Variants in PAM observed in about 807,000 individuals in gnomAD.
The protein encoded by PAM is peptidyl-glycine alpha-amidating monooxygenase.
Under a neutral mutation model 122.1 loss-of-function variants are expected in PAM, and 72 were observed. The ratio of observed to expected loss-of-function variants is 0.59; its 90% CI spans 0.49 to 0.72. The LOEUF is 0.72. Among genes scored for constraint, PAM ranks in the 30% least tolerant of loss-of-function variants. The pLI is 0.00. For missense variants in PAM, 1,106 were observed against 1,183.7 expected, an observed-to-expected ratio of 0.93 and a Z score of 0.96; for synonymous variants, 389 against 404.4, an observed-to-expected ratio of 0.96 and a Z score of 0.46.
intron 20 of PAM, among the ~76,000 whole-genome samples, 187 bp from the exon 21 acceptor site, chr5:103,009,564 T>C (rs991225050): frequency 6.6e-6 from 1 of 152,184 alleles, no homozygotes; most frequent in Non-Finnish European, 1.5e-5. Flanking sequence ...AGGTTAGTCC[T>C]CTAACCAGTT....
At chr5:102,876,573 C>A (rs762630672) in intron 3 of PAM, among the ~76,000 whole-genome samples, 4 of 152,164 alleles carry the variant, frequency 2.6e-5, no homozygotes, top group Non-Finnish European at 5.9e-5. Context: ...AAGCTGGACA[C>A]TCCTAAAGTG....
chr5:102,764,778 G>A (rs188267136), intron 1 of PAM, among the ~76,000 whole-genome samples: 9 of 152,270 alleles, frequency 5.9e-5, no homozygotes, highest in East Asian at 5.8e-4. Context: ...ACAGCAAACC[G>A]TGCTCAAAAA....
chr5:102,796,043 C>G (rs141247703), intron 1 of PAM, among the ~76,000 whole-genome samples: 1 of 152,044 alleles, frequency 6.6e-6, no homozygotes, highest in Non-Finnish European at 1.5e-5. Flanking sequence ...GAATATGCAC[C>G]AGCCTCAGCA....
intron 1 of PAM, among the ~76,000 whole-genome samples, chr5:102,786,370 A>T (rs1480761150): frequency 6.6e-6 from 1 of 152,222 alleles, no homozygotes; most frequent in Non-Finnish European, 1.5e-5. Flanking sequence ...TAAAACCTGT[A>T]AAAGTACTTT....
intron 5 of PAM, among the ~76,000 whole-genome samples, chr5:102,918,028 G>T (rs528999376): frequency 6.6e-6 from 1 of 152,232 alleles, no homozygotes; most frequent in East Asian, 1.9e-4. Flanking sequence ...TGCATACGTT[G>T]ATTTGAACCT....
intron 7 of PAM, among the ~76,000 whole-genome samples, chr5:102,931,746 T>C (rs1048850975): frequency 6.6e-6 from 1 of 152,162 alleles, no homozygotes. Context: ...ATCCACTTAC[T>C]GTCATTAAGC....
intron 1 of PAM, among the ~76,000 whole-genome samples, chr5:102,816,774 ACT>A (rs1274848204): frequency 6.6e-6 from 1 of 151,512 alleles, no homozygotes; most frequent in African/African-American, 2.4e-5. Context: ...CTCTATTAAA[ACT>A]CACTCTCTTC....
At chr5:102,987,778 G>C (rs564388640) in intron 15 of PAM, among the ~76,000 whole-genome samples, 2 of 152,240 alleles carry the variant, frequency 1.3e-5, no homozygotes, top group African/African-American at 4.8e-5. Context: ...CATCTGAGCA[G>C]CTCCATTCAC....
chr5:102,933,340 A>G (rs1752208138), intron 7 of PAM, among the ~76,000 whole-genome samples: 1 of 152,146 alleles, frequency 6.6e-6, no homozygotes, highest in African/African-American at 2.4e-5. Flanking sequence ...TTTTTAAATA[A>G]AAACATGATC....
At chr5:102,941,833 CA>C (rs70990420) in intron 7 of PAM, among the ~76,000 whole-genome samples, 2,359 of 58,216 alleles carry the variant, frequency 0.041, 21 homozygotes, top group African/African-American at 0.14. Flanking sequence ...CCAGATGGTA[CA>C]AAAAAAAAAA....
intron 20 of PAM, 135 bp from the exon 21 acceptor site, chr5:103,009,616 T>C: frequency 3.5e-6 from 2 of 576,622 alleles, no homozygotes; most frequent in South Asian, 3.7e-5. Context: ...CTAAGTATTT[T>C]ATATTCTACT....
intron 24 of PAM, among the ~76,000 whole-genome samples, chr5:103,025,990 C>T (rs1784839729): frequency 9.2e-5 from 14 of 152,026 alleles, no homozygotes; most frequent in South Asian, 8.3e-4. Context: ...TGTCTTAAAC[C>T]TTAGTTTTCA....
intron 1 of PAM, among the ~76,000 whole-genome samples, chr5:102,844,863 G>A (rs967861369): frequency 6.6e-6 from 1 of 152,120 alleles, no homozygotes; most frequent in Non-Finnish European, 1.5e-5. Context: ...ACCTTCCTCG[G>A]AATGCCCTTC....
At position 102,922,112 on chromosome 5, in the gene PAM, A is replaced by G. The variant is rs946742051; in HGVS notation, c.357-2845A>G. Among the ~76,000 whole-genome samples the G allele has an allele frequency of 2.0e-5, 3 of 152,108 alleles. No individual in the cohort carries two copies. In the East Asian group the frequency reaches 5.8e-4, roughly 29 times the overall value. On this transcript the variant is annotated intron_variant, in intron 5 of 25. Coordinates refer to ENST00000438793, the MANE Select transcript of PAM (RefSeq NM_001177306.2). ...AATTCAGCTCTTTAAGTCTCTGTAC[A>G]TGGAAAGTTAAAAACTCACCGAGAG...
At chr5:102,987,702 G>A in intron 15 of PAM, 1 of 345,138 alleles carries the variant, frequency 2.9e-6, no homozygotes, top group Middle Eastern at 4.5e-4. Flanking sequence ...CCAATTGCCG[G>A]TAGCAGCCAT....
At chr5:102,924,855 C>T (rs1305329319) in intron 5 of PAM, 102 bp from the exon 6 acceptor site, 2 of 699,854 alleles carry the variant, frequency 2.9e-6, no homozygotes, top group African/African-American at 1.8e-5. Flanking sequence ...TATTGATGTA[C>T]TTTGGTTTCA....
intron 1 of PAM, among the ~76,000 whole-genome samples, chr5:102,844,205 A>G (rs1237864104): frequency 6.6e-6 from 1 of 152,216 alleles, no homozygotes; most frequent in African/African-American, 2.4e-5. Flanking sequence ...CCAATCTCAG[A>G]TTACGCACTA....
intron 1 of PAM, among the ~76,000 whole-genome samples, chr5:102,797,871 C>T (rs76398679): frequency 0.026 from 3,991 of 152,228 alleles, 104 homozygotes; most frequent in East Asian, 0.14. Flanking sequence ...TAATAACACA[C>T]TTCAACCTAC....
intron 4 of PAM, among the ~76,000 whole-genome samples, chr5:102,905,247 GAA>G: frequency 6.6e-6 from 1 of 151,692 alleles, no homozygotes; most frequent in South Asian, 2.1e-4. Context: ...ACTCAGCCAA[GAA>G]ATTTGACTGT....
Sources: gnomAD v4.1 joint callset for allele counts (sites outside exome capture counted in the v4.1 genomes callset) on GRCh38, gnomAD v4.1.1 for gene constraint, MANE v1.5 for transcripts, NCBI Gene and HGNC (gene_info 2026-07-23, HGNC 2026-07-21) for gene names.